Variants in ZNF264 observed in about 807,000 individuals in gnomAD.
ZNF264 encodes the protein zinc finger protein 264.
ZNF264 carries 11 observed loss-of-function variants against 11.2 expected under a neutral mutation model. That is an observed-to-expected ratio of 0.98 (90% CI 0.62 to 1.63). The LOEUF (loss-of-function observed/expected upper bound fraction) is 1.63, where lower values mean the gene tolerates loss of function less well. Among genes scored for constraint, ZNF264 ranks in the 40% most tolerant of loss-of-function variants. ZNF264 has a pLI of 0.00. For missense variants in ZNF264, 752 were observed against 768.1 expected (o/e 0.98, Z 0.25); for synonymous variants, 309 against 279.8 (o/e 1.10, Z -1.04).
intron 2 of ZNF264, chr19:57,194,696 G>C (rs1568471483): frequency 2.5e-6 from 1 of 397,010 alleles, no homozygotes; most frequent in Non-Finnish European, 4.5e-6. Flanking sequence ...CTGATTAGAT[G>C]GTGCCCACCC....
Position 57,218,296 on chromosome 19 carries a change from T to C in ZNF264, c.*5315T>C, listed in dbSNP as rs2122777647. ...ACTTCAGAGATGTATCTCTCTGTTC[T>C]GTACATTATTGTTTAATATAAGAAA... On this transcript the variant is annotated 3_prime_UTR_variant, in exon 4 of 4. Coordinates refer to ENST00000263095, the MANE Select transcript of ZNF264 (RefSeq NM_003417.5). 6.6e-6 allele frequency: 1 copy of C among 152,370 alleles called. No individual in the cohort carries two copies. Among genetic ancestry groups the C allele is most frequent in the East Asian group, 1.9e-4 (1 of 5,186 alleles). The allele number at this position is 152,370 out of a possible 1,614,324, so 9.4% of individuals were successfully genotyped here.
At chr19:57,208,003 G>A (rs920459391) in intron 3 of ZNF264, among the ~76,000 whole-genome samples, 1 of 151,984 alleles carries the variant, frequency 6.6e-6, no homozygotes, top group Non-Finnish European at 1.5e-5. Flanking sequence ...TGGGATTACA[G>A]GTGTGAGCCA....
intron 2 of ZNF264, among the ~76,000 whole-genome samples, chr19:57,195,860 A>G (rs2087208215): frequency 6.6e-6 from 1 of 151,722 alleles, no homozygotes; most frequent in Admixed American, 6.6e-5. Context: ...TCCCTCTGAA[A>G]CTAAGACTTC....
intron 2 of ZNF264, among the ~76,000 whole-genome samples, chr19:57,194,530 A>G (rs1312368986): frequency 6.6e-6 from 1 of 152,224 alleles, no homozygotes; most frequent in African/African-American, 2.4e-5. Flanking sequence ...CTGAGGAGCA[A>G]GGAAGCCAGT....
rs943687737 is a variant in ZNF264 at position 57,213,038 on chromosome 19, G to T, written c.*57G>T. ...ATCTGAAGAGTCATATTAGAAATTC[G>T]TTCAGTCTAGAGCCTTATTCTCCAT... On this transcript the variant is annotated 3_prime_UTR_variant, in exon 4 of 4. Transcript: ENST00000263095. The T allele has an allele frequency of 6.6e-7, 1 of 1,525,504 alleles. No individual in the cohort carries two copies. The highest frequency in any genetic ancestry group is 2.3e-5 in the East Asian group (1 of 44,256). 94.5% of individuals were successfully genotyped at this position (1,525,504 alleles called of 1,614,324 possible).
chr19:57,206,422 T>G (rs953540085), intron 3 of ZNF264, among the ~76,000 whole-genome samples: 2 of 151,866 alleles, frequency 1.3e-5, no homozygotes, highest in Admixed American at 6.6e-5. Flanking sequence ...TTTTTTTTTT[T>G]TGTATTTTTA....
chr19:57,193,177 G>C (rs1408244878), intron 1 of ZNF264, among the ~76,000 whole-genome samples: 1 of 152,186 alleles, frequency 6.6e-6, no homozygotes. Flanking sequence ...GTAACCCCAT[G>C]TTTAGATCCT....
At chr19:57,207,408 C>T (rs546934581) in intron 3 of ZNF264, among the ~76,000 whole-genome samples, 1 of 152,138 alleles carries the variant, frequency 6.6e-6, no homozygotes, top group Non-Finnish European at 1.5e-5. Context: ...AGAGGTCTTG[C>T]CCCAGTCATG....
Position 57,212,236 on chromosome 19 carries a change from T to A in ZNF264, c.1139T>A (p.Phe380Tyr). The A allele has an allele frequency of 6.2e-7, 1 of 1,614,138 alleles. No individual in the cohort carries two copies. Among genetic ancestry groups the A allele is most frequent in the Non-Finnish European group, 8.5e-7 (1 of 1,180,040 alleles). ...PYECSECGKV[F>Y]LESAALIHHY... ...GAGTGCAGTGAATGTGGGAAGGTCT[T>A]CTTGGAGAGTGCAGCCCTGATTCAC... Residue 380 changes from phenylalanine to tyrosine, a missense_variant, in exon 4 of 4, where the codon TTC (phenylalanine) becomes TAC (tyrosine). Phe to Tyr is a conservative substitution (Grantham distance 22). Coordinates refer to ENST00000263095, the MANE Select transcript of ZNF264 (RefSeq NM_003417.5).
intron 3 of ZNF264, 140 bp from the exon 4 acceptor site, chr19:57,211,214 C>G: frequency 7.7e-6 from 7 of 913,340 alleles, no homozygotes; most frequent in Non-Finnish European, 1.1e-5. Flanking sequence ...AAAGAAATTG[C>G]AAACCCAAGA....
At position 57,221,041 on chromosome 19, in the gene ZNF264, A is replaced by T. The variant is rs1168624188; in HGVS notation, c.*8060A>T. 1 of 152,108 alleles carries T rather than the reference A, an allele frequency of 6.6e-6. No homozygotes were observed. The highest frequency in any genetic ancestry group is 1.5e-5 in the Non-Finnish European group (1 of 68,158). The allele number at this position is 152,108 out of a possible 1,614,324, so 9.4% of individuals were successfully genotyped here. ...CATACCTTGACCTCAAAGATAATCT[A>T]CCTGGGCTTTTTTTGTTTGTTTGTT... On this transcript the variant is annotated 3_prime_UTR_variant, in exon 4 of 4. Transcript: ENST00000263095.
intron 1 of ZNF264, chr19:57,192,284 G>A (rs2122729191): frequency 1.0e-6 from 1 of 962,496 alleles, no homozygotes; most frequent in Non-Finnish European, 1.2e-6. Flanking sequence ...CGACAAATGC[G>A]CGAGCAGAGA....
In ZNF264 at chr19:57,213,598, A is replaced by C. The variant is rs539976893; in HGVS notation, c.*617A>C. On this transcript the variant is annotated 3_prime_UTR_variant, in exon 4 of 4. Transcript: ENST00000263095. Reference sequence around the variant, plus strand: ...ATTTTTATTTGTTAAATTTTTAAAAATTACTTAGCTCAAAATGTCAGTGGT... The same window carrying C: ...ATTTTTATTTGTTAAATTTTTAAAACTTACTTAGCTCAAAATGTCAGTGGT... 1 of 152,356 alleles carries C rather than the reference A, an allele frequency of 6.6e-6. No individual in the cohort carries two copies. The highest frequency in any genetic ancestry group is 2.1e-4 in the South Asian group (1 of 4,834). The allele number at this position is 152,356 out of a possible 1,614,324, so 9.4% of individuals were successfully genotyped here. A position where few individuals can be genotyped will look rare whatever the true frequency, so the allele number is the denominator to read the frequency against.
intron 2 of ZNF264, 50 bp downstream of exon 2, chr19:57,194,051 C>CG: frequency 6.4e-7 from 1 of 1,557,000 alleles, no homozygotes. Context: ...CCACTTCCTT[C>CG]ATTCCATCTT....
Position 57,212,911 on chromosome 19 carries a change from CA to C in ZNF264, c.1815del (p.Glu606ArgfsTer29). On this transcript the variant is annotated frameshift_variant, in exon 4 of 4. Transcript: ENST00000263095. LOFTEE classifies it low-confidence loss of function (END_TRUNC). Reference protein sequence around the residue: ...LNVTTEANILPEETSSSASDQ... With the variant: ...LNVTTEANILXEETSSSASDQ... Reference sequence around the variant, plus strand: ...GTAACCACTGAGGCAAATATTTTGCCAGAGGAAACATCTTCCTCTGCATCTG... The same window carrying C: ...GTAACCACTGAGGCAAATATTTTGCCGAGGAAACATCTTCCTCTGCATCTG... 1 of 1,614,126 alleles carries C rather than the reference CA, an allele frequency of 6.2e-7. No individual in the cohort carries two copies. Among genetic ancestry groups the C allele is most frequent in the Non-Finnish European group, 8.5e-7 (1 of 1,180,006 alleles).
chr19:57,201,098 T>TTA (rs2087250105), intron 2 of ZNF264, among the ~76,000 whole-genome samples: 1 of 151,916 alleles, frequency 6.6e-6, no homozygotes. Flanking sequence ...GTGAAGATAT[T>TTA]TATATATATA....
chr19:57,194,111 T>G, intron 2 of ZNF264, 110 bp downstream of exon 2: 1 of 1,440,102 alleles, frequency 6.9e-7, no homozygotes, highest in Non-Finnish European at 9.3e-7. Context: ...CTACCTTGCC[T>G]CTTTCCCACA....
chr19:57,192,870 T>C (rs1354429639), intron 1 of ZNF264, among the ~76,000 whole-genome samples: 1 of 151,416 alleles, frequency 6.6e-6, no homozygotes, highest in African/African-American at 2.4e-5. Context: ...TAGTTGGGAT[T>C]ACAGGCATGC....
rs1336964449 is a variant in ZNF264, at chr19:57,216,471, C to T, written c.*3490C>T. 2 of 152,170 alleles carry T rather than the reference C, an allele frequency of 1.3e-5. No individual in the cohort carries two copies. Among genetic ancestry groups the T allele is most frequent in the East Asian group, 3.8e-4 (2 of 5,200 alleles). The allele number at this position is 152,170 out of a possible 1,614,324, so 9.4% of individuals were successfully genotyped here. A position where few individuals can be genotyped will look rare whatever the true frequency, so the allele number is the denominator to read the frequency against. ...TTTGGTACATATACATGTAGGTTTG[C>T]CAAGTCTTTGTGGTGAATTGACTCT... On this transcript the variant is annotated 3_prime_UTR_variant, in exon 4 of 4. Coordinates refer to ENST00000263095, the MANE Select transcript of ZNF264 (RefSeq NM_003417.5).
Sources: gnomAD v4.1 joint callset for allele counts (sites outside exome capture counted in the v4.1 genomes callset) on GRCh38, gnomAD v4.1.1 for gene constraint, MANE v1.5 for transcripts, NCBI Gene and HGNC (gene_info 2026-07-23, HGNC 2026-07-21) for gene names.